Variants in CNTN6 observed in about 807,000 individuals in gnomAD.
CNTN6 encodes the protein contactin-6.
A neutral mutation model predicts 122.8 loss-of-function variants in CNTN6; 137 were observed. The ratio of observed to expected loss-of-function variants is 1.12; its 90% confidence interval spans 0.97 to 1.29. CNTN6 has a LOEUF of 1.29. Among genes scored for constraint, CNTN6 ranks in the 50% most tolerant of loss-of-function variants. The probability of loss-of-function intolerance (pLI) is 0.00; values close to 1 mark genes in which losing one functional copy is unlikely to be tolerated. For synonymous variants in CNTN6, 570 were observed against 426.0 expected, an observed-to-expected ratio of 1.34 and a Z score of -4.16; for missense variants, 1,634 against 1,223.4, an observed-to-expected ratio of 1.34 and a Z score of -5.01.
Position 1,227,992 on chromosome 3 carries a change from A to G in CNTN6, c.357A>G (p.Ala119=). Residue 119 remains alanine (A), a splice_region_variant and synonymous_variant, in exon 4 of 23, where the codon GCA becomes GCG. Transcript: ENST00000446702. ...GTCGGAAGGCAAAGCTCCAATTTGC[A>G]TGTGAGTTTGGGGTAAATTTTGTAA... is the stretch of plus-strand genomic sequence containing the variant. ...ILSRKAKLQF[A]YIEDFETKTR... 1 of 1,612,454 alleles carries G rather than the reference A, an allele frequency of 6.2e-7. No homozygotes were observed. Among genetic ancestry groups the G allele is most frequent in the Non-Finnish European group, 8.5e-7 (1 of 1,179,184 alleles).
chr3:1,212,851 G>T (rs1410122161), intron 2 of CNTN6, among the ~76,000 whole-genome samples: 3 of 151,878 alleles, frequency 2.0e-5, no homozygotes, highest in Admixed American at 1.3e-4. Context: ...TTTACCAAAA[G>T]ATATTAAACA....
intron 5 of CNTN6, among the ~76,000 whole-genome samples, chr3:1,281,985 C>T (rs931291217): frequency 3.0e-5 from 1 of 33,348 alleles, no homozygotes; most frequent in Non-Finnish European, 6.6e-5. Flanking sequence ...TATAGGTATA[C>T]ACACACACAC....
intron 5 of CNTN6, among the ~76,000 whole-genome samples, chr3:1,278,986 A>G (rs1692905164): frequency 6.6e-6 from 1 of 152,244 alleles, no homozygotes; most frequent in South Asian, 2.1e-4. Context: ...AAGTAAAGAA[A>G]GTTAAGATTG....
intron 1 of CNTN6, among the ~76,000 whole-genome samples, chr3:1,115,214 CAG>C (rs1409825894): frequency 1.3e-5 from 2 of 152,140 alleles, no homozygotes; most frequent in South Asian, 2.1e-4. Context: ...CAGTAAAAAC[CAG>C]AGTTAGCCTT....
At chr3:1,167,480 C>G (rs1233332316) in intron 2 of CNTN6, among the ~76,000 whole-genome samples, 1 of 152,142 alleles carries the variant, frequency 6.6e-6, no homozygotes, top group African/African-American at 2.4e-5. Flanking sequence ...TTTTGTTTAG[C>G]TAGCAAGCAC....
intron 1 of CNTN6, among the ~76,000 whole-genome samples, chr3:1,123,668 C>A (rs1175602633): frequency 6.6e-6 from 1 of 151,836 alleles, no homozygotes; most frequent in Non-Finnish European, 1.5e-5. Context: ...AATTTAGATA[C>A]CTTTTATTCA....
At chr3:1,390,929 A>C (rs1298606566) in intron 20 of CNTN6, among the ~76,000 whole-genome samples, 6 of 150,342 alleles carry the variant, frequency 4.0e-5, no homozygotes, top group Middle Eastern at 3.2e-3. Flanking sequence ...TTACCAACCA[A>C]AAAGTCCAGG....
rs1320409634 is a variant in CNTN6, at chr3:1,361,568, A to AATTATC, written c.1492+9120_1492+9125dup. ...CTTATTTCTTTCTCTAACTGACAGC[A>AATTATC]ATTATCATACTCTTCAAGCTATTAT... On this transcript the variant is annotated intron_variant, in intron 12 of 22. Transcript: ENST00000446702. Among the ~76,000 whole-genome samples, 4 of 152,114 alleles carry AATTATC rather than the reference A, an allele frequency of 2.6e-5. No homozygotes were observed. The East Asian group carries it at 5.8e-4, about 22-fold the overall frequency.
chr3:1,328,479 A>C (rs1701839736), intron 10 of CNTN6, among the ~76,000 whole-genome samples: 1 of 151,810 alleles, frequency 6.6e-6, no homozygotes, highest in Non-Finnish European at 1.5e-5. Context: ...TTCTATCGCT[A>C]CTGTTTGATT....
chr3:1,311,799 T>G (rs1699368094), intron 7 of CNTN6, among the ~76,000 whole-genome samples: 1 of 151,874 alleles, frequency 6.6e-6, no homozygotes, highest in Non-Finnish European at 1.5e-5. Context: ...ATTTTTTTAA[T>G]TCTTAAAAAT....
intron 2 of CNTN6, among the ~76,000 whole-genome samples, chr3:1,192,101 C>A (rs2093710354): frequency 6.6e-6 from 1 of 152,154 alleles, no homozygotes; most frequent in Non-Finnish European, 1.5e-5. Flanking sequence ...GTCAGTCCTT[C>A]ATTATCTCCT....
At chr3:1,216,520 C>T (rs2094132919) in intron 2 of CNTN6, among the ~76,000 whole-genome samples, 1 of 152,146 alleles carries the variant, frequency 6.6e-6, no homozygotes, top group African/African-American at 2.4e-5. Context: ...GGCACTGATA[C>T]TGATATAAGA....
intron 2 of CNTN6, among the ~76,000 whole-genome samples, chr3:1,201,396 T>A (rs1041528722): frequency 6.6e-6 from 1 of 152,012 alleles, no homozygotes; most frequent in African/African-American, 2.4e-5. Context: ...GAAAATTAGC[T>A]TTTTTTTCTC....
chr3:1,117,154 G>C (rs915166400), intron 1 of CNTN6, among the ~76,000 whole-genome samples: 1 of 152,148 alleles, frequency 6.6e-6, no homozygotes, highest in African/African-American at 2.4e-5. Flanking sequence ...TATTGCCTTT[G>C]TTGTTCTCAG....
At position 1,350,229 on chromosome 3, in the gene CNTN6, G is replaced by A. The variant is rs367680980; in HGVS notation, c.1365-2095G>A. Among the ~76,000 whole-genome samples, 10 of 151,748 alleles carry A rather than the reference G, an allele frequency of 6.6e-5. No homozygotes were observed. The East Asian group carries it at 1.4e-3, about 21-fold the overall frequency. Reference sequence around the variant, plus strand: ...GTGAAAATGCAGTTTGATTCATTAGGTCTGGGATAAGACCACATTTTGAGG... The same window carrying A: ...GTGAAAATGCAGTTTGATTCATTAGATCTGGGATAAGACCACATTTTGAGG... On this transcript the variant is annotated intron_variant, in intron 11 of 22. Transcript: ENST00000446702.
intron 12 of CNTN6, among the ~76,000 whole-genome samples, chr3:1,353,162 T>A (rs113502559): frequency 0.014 from 2,111 of 151,804 alleles, 55 homozygotes; most frequent in African/African-American, 0.048. Context: ...AAAACTAGTG[T>A]GTTTACTGGA....
intron 12 of CNTN6, among the ~76,000 whole-genome samples, chr3:1,358,181 A>T (rs1411313237): frequency 1.3e-5 from 2 of 151,964 alleles, no homozygotes; most frequent in Non-Finnish European, 2.9e-5. Flanking sequence ...AAATAAAAAA[A>T]CACTTCAACC....
chr3:1,156,522 G>A (rs2092965596), intron 2 of CNTN6, among the ~76,000 whole-genome samples: 1 of 152,166 alleles, frequency 6.6e-6, no homozygotes, highest in Admixed American at 6.5e-5. Flanking sequence ...AGTTTATAAA[G>A]CACTTTATGA....
chr3:1,381,694 G>C (rs1258685549), intron 17 of CNTN6, among the ~76,000 whole-genome samples: 1 of 152,056 alleles, frequency 6.6e-6, no homozygotes, highest in Non-Finnish European at 1.5e-5. Flanking sequence ...AGCTAATTTG[G>C]ATGCCCTCTC....
Sources: allele counts gnomAD v4.1 joint callset (sites outside exome capture counted in the v4.1 genomes callset), GRCh38; gene constraint gnomAD v4.1.1; transcripts MANE v1.5; gene names NCBI Gene and HGNC (gene_info 2026-07-23, HGNC 2026-07-21).